The following ZYG11B variants were observed in gnomAD, a reference collection of about 807,000 sequenced individuals.
The protein encoded by ZYG11B is zyg-11 family member B, cell cycle regulator.
A neutral mutation model predicts 82.4 loss-of-function variants in ZYG11B; 36 were observed. The ratio of observed to expected loss-of-function variants is 0.44; its 90% confidence interval spans 0.33 to 0.58. The LOEUF (loss-of-function observed/expected upper bound fraction) is 0.58, where lower values mean the gene tolerates loss of function less well. ZYG11B is among the 20% of genes least tolerant of loss of function. The pLI, the probability that ZYG11B is intolerant of heterozygous loss-of-function variation, is 0.02. For missense variants in ZYG11B, 552 were observed against 895.6 expected, an observed-to-expected ratio of 0.62 and a Z score of 4.90; for synonymous variants, 303 against 312.8, an observed-to-expected ratio of 0.97 and a Z score of 0.33.
At chr1:52,760,129 G>A (rs1204030472) in intron 2 of ZYG11B, among the ~76,000 whole-genome samples, 1 of 152,180 alleles carries the variant, frequency 6.6e-6, no homozygotes, top group South Asian at 2.1e-4. Flanking sequence ...CAGTGCTCCC[G>A]CCTTGTGAAT....
chr1:52,783,329 T>A (rs995093595), intron 4 of ZYG11B, among the ~76,000 whole-genome samples: 2 of 152,154 alleles, frequency 1.3e-5, no homozygotes, highest in African/African-American at 4.8e-5. Context: ...TGATTTTTTT[T>A]AATAGGAAAA....
intron 10 of ZYG11B, among the ~76,000 whole-genome samples, chr1:52,811,396 C>T (rs1483062960): frequency 6.6e-6 from 1 of 152,144 alleles, no homozygotes; most frequent in East Asian, 1.9e-4. Context: ...TCCCACAGGT[C>T]CCAGAACTCC....
At chr1:52,774,528 GA>G (rs1314784008) in intron 3 of ZYG11B, among the ~76,000 whole-genome samples, 1 of 148,436 alleles carries the variant, frequency 6.7e-6, no homozygotes, top group Admixed American at 6.8e-5. Context: ...GGCTAGTCTT[GA>G]ACTCCTGACC....
intron 1 of ZYG11B, among the ~76,000 whole-genome samples, chr1:52,744,711 A>G (rs1231453207): frequency 6.6e-6 from 1 of 152,128 alleles, no homozygotes; most frequent in African/African-American, 2.4e-5. Flanking sequence ...GCATGGTGGC[A>G]CGCGCCTGTA....
chr1:52,728,793 A>G (rs940110700), intron 1 of ZYG11B, among the ~76,000 whole-genome samples: 4 of 152,102 alleles, frequency 2.6e-5, no homozygotes, highest in African/African-American at 9.7e-5. Flanking sequence ...TATATAGATC[A>G]TTTTGGGAAG....
intron 6 of ZYG11B, among the ~76,000 whole-genome samples, chr1:52,793,375 T>C (rs1644975538): frequency 6.6e-6 from 1 of 151,906 alleles, no homozygotes. Context: ...CCAGGTGTGG[T>C]GGCGGCTCCT....
At position 52,726,552 on chromosome 1, in the gene ZYG11B, C is replaced by CCCGGAGCCGCCGCTCG. The variant is rs979822033; in HGVS notation, c.-93_-78dup. ...GAAAGAGGCCGAGGCCTGGGCCAAG[C>CCCGGAGCCGCCGCTCG]CCGGAGCCGCCGCTCGCCGGAGCCT... is the stretch of plus-strand genomic sequence containing the variant. On this transcript the variant is annotated 5_prime_UTR_variant, in exon 1 of 14. Coordinates refer to ENST00000294353, the MANE Select transcript of ZYG11B (RefSeq NM_024646.3). 5.8e-6 allele frequency: 7 copies of CCCGGAGCCGCCGCTCG among 1,202,806 alleles called. No individual in the cohort carries two copies. The African/African-American group carries it at 1.1e-4, about 19-fold the overall frequency. 74.5% of individuals were successfully genotyped at this position (1,202,806 alleles called of 1,614,324 possible). A position where few individuals can be genotyped will look rare whatever the true frequency, so the allele number is the denominator to read the frequency against.
intron 13 of ZYG11B, among the ~76,000 whole-genome samples, chr1:52,817,775 GTGTATATATATA>G (rs1471893280): frequency 0.034 from 1,116 of 32,522 alleles, 68 homozygotes; most frequent in East Asian, 0.072. Context: ...GTATATATAT[GTGTATATATATA>G]TATATATATA....
intron 10 of ZYG11B, among the ~76,000 whole-genome samples, chr1:52,812,853 A>G (rs890484004): frequency 2.6e-5 from 4 of 151,114 alleles, no homozygotes; most frequent in African/African-American, 9.8e-5. Context: ...CAGCCTCCCA[A>G]GTAGCTGAGA....
intron 6 of ZYG11B, among the ~76,000 whole-genome samples, chr1:52,795,440 TAACTA>T (rs1354245440): frequency 2.0e-5 from 3 of 152,166 alleles, no homozygotes; most frequent in Admixed American, 6.6e-5. Flanking sequence ...AATGGACTAA[TAACTA>T]GACTCCATGT....
rs748638826 is a variant in ZYG11B, at chr1:52,771,750, C to T, written c.927C>T (p.Phe309=). The part of the protein sequence containing the change: ...LLATDAGYSE[F]LTGEGHLKVS... ...CTACTGATGCTGGTTACTCTGAATT[C>T]CTCACAGGCGAAGGACATTTGAAGG... The change falls in exon 3 of 14, where the codon TTC becomes TTT. Residue 309 remains phenylalanine, a synonymous_variant. Coordinates refer to ENST00000294353, the MANE Select transcript of ZYG11B (RefSeq NM_024646.3). The surrounding 1 kb of genome is among the most constrained non-coding windows in gnomAD (Gnocchi z 5.4). The T allele has an allele frequency of 1.3e-5, 21 of 1,611,288 alleles. No individual in the cohort carries two copies. The highest frequency in any genetic ancestry group is 1.4e-5 in the Non-Finnish European group (17 of 1,178,166).
At chr1:52,774,192 T>C (rs1268743004) in intron 3 of ZYG11B, among the ~76,000 whole-genome samples, 1 of 151,290 alleles carries the variant, frequency 6.6e-6, no homozygotes, top group Admixed American at 6.6e-5. Flanking sequence ...CAGGCTGGAG[T>C]ACAGTGGGCA....
At chr1:52,796,426 C>T (rs1194499956) in intron 7 of ZYG11B, 35 bp downstream of exon 7, 2 of 1,532,010 alleles carry the variant, frequency 1.3e-6, no homozygotes, top group Admixed American at 1.7e-5. Context: ...TTTCTGTAGA[C>T]AGCTGTTTCT....
chr1:52,758,723 G>C (rs997407097), intron 2 of ZYG11B, among the ~76,000 whole-genome samples: 1 of 152,156 alleles, frequency 6.6e-6, no homozygotes, highest in African/African-American at 2.4e-5. Context: ...TAGGAAAGAA[G>C]AAGACCTCTA....
intron 10 of ZYG11B, chr1:52,805,518 C>T (rs1485917534): frequency 3.3e-5 from 15 of 455,318 alleles, no homozygotes; most frequent in Non-Finnish European, 6.2e-5. Context: ...TCATCTGAAA[C>T]GGAAAGGTGA....
rs139156819 is a variant in ZYG11B, at chr1:52,795,124, G to A, written c.1335-1168G>A. Among the ~76,000 whole-genome samples the A allele has an allele frequency of 3.1e-4, 47 of 152,264 alleles. 1 individual carries two copies. In the East Asian group the frequency reaches 8.1e-3, roughly 26 times the overall value. ...AATTGTAATCACCAGTGCTGGAGGT[G>A]GGGCCTGGTGGGAGGTGATTGGATC... is the stretch of plus-strand genomic sequence containing the variant. On this transcript the variant is annotated intron_variant, in intron 6 of 13. Coordinates refer to ENST00000294353, the MANE Select transcript of ZYG11B (RefSeq NM_024646.3).
intron 4 of ZYG11B, among the ~76,000 whole-genome samples, chr1:52,781,705 G>A (rs1356616256): frequency 1.3e-5 from 2 of 152,138 alleles, no homozygotes; most frequent in Non-Finnish European, 2.9e-5. Flanking sequence ...TCCAAGAGAT[G>A]GGTTTTATCT....
intron 13 of ZYG11B, 61 bp downstream of exon 13, chr1:52,816,690 G>A (rs146351754): frequency 0.01 from 12,610 of 1,259,146 alleles, 88 homozygotes; most frequent in Non-Finnish European, 0.013. Flanking sequence ...CATTTCCCAG[G>A]AAAGATATTT....
At chr1:52,809,238 T>A (rs1645164718) in intron 10 of ZYG11B, among the ~76,000 whole-genome samples, 1 of 152,232 alleles carries the variant, frequency 6.6e-6, no homozygotes, top group Non-Finnish European at 1.5e-5. Flanking sequence ...AATACTTTTA[T>A]AATGTTGTAG....
Sources: gnomAD v4.1 joint callset for allele counts (sites outside exome capture counted in the v4.1 genomes callset) on GRCh38, gnomAD v4.1.1 for gene constraint, Gnocchi (gnomAD v3.1) non-coding constraint, MANE v1.5 for transcripts, NCBI Gene and HGNC (gene_info 2026-07-23, HGNC 2026-07-21) for gene names.